The following PHF24 variants were observed in gnomAD, a reference collection of about 807,000 sequenced individuals.
The protein encoded by PHF24 is PHD finger protein 24.
Under a neutral mutation model 42.6 loss-of-function variants are expected in PHF24, and 25 were observed. That is an observed-to-expected ratio of 0.59 (90% CI 0.43 to 0.82). The LOEUF (loss-of-function observed/expected upper bound fraction) is 0.82. PHF24 is among the 40% of genes least tolerant of loss of function. The pLI is 0.00. For synonymous variants in PHF24, 185 were observed against 204.8 expected (o/e 0.90, Z 0.83); for missense variants, 470 against 538.1 (o/e 0.87, Z 1.25).
chr9:34,778,152 CT>C, the PHF24 span, among the ~76,000 whole-genome samples: 1 of 152,226 alleles, frequency 6.6e-6, no homozygotes, highest in South Asian at 2.1e-4. Flanking sequence ...TATTTTGGTT[CT>C]TCTTAGTGGA....
chr9:34,922,122 T>C, the PHF24 span: 1 of 1,366,022 alleles, frequency 7.3e-7, no homozygotes, highest in East Asian at 2.3e-5. Context: ...TGGGACAGCA[T>C]GGATGACAAA....
At chr9:34,682,164 T>A in the PHF24 span, among the ~76,000 whole-genome samples, 1 of 148,534 alleles carries the variant, frequency 6.7e-6, no homozygotes, top group Admixed American at 6.7e-5. Flanking sequence ...TTTTTTTTTT[T>A]TTTTTTTTTG....
the PHF24 span, chr9:34,835,839 C>T: frequency 1.6e-4 from 218 of 1,351,520 alleles, 1 homozygote; most frequent in Middle Eastern, 3.6e-4. Context: ...TGGAATGGAG[C>T]TCTATACTCT....
At chr9:34,961,520 C>T (rs1017797080) in intron 1 of PHF24, among the ~76,000 whole-genome samples, 3 of 152,168 alleles carry the variant, frequency 2.0e-5, no homozygotes, top group African/African-American at 7.2e-5. Flanking sequence ...AGTTTCTTGC[C>T]CTTGAGGAGT....
chr9:34,916,892 C>T, the PHF24 span, among the ~76,000 whole-genome samples: 2 of 152,188 alleles, frequency 1.3e-5, no homozygotes, highest in Non-Finnish European at 2.9e-5. Flanking sequence ...TTGCCATGTA[C>T]ACGGACAATA....
At chr9:34,716,953 T>C in the PHF24 span, among the ~76,000 whole-genome samples, 71 of 152,264 alleles carry the variant, frequency 4.7e-4, no homozygotes, top group Admixed American at 1.7e-3. Context: ...CTTACGCTTC[T>C]GCATAACGTG....
chr9:34,906,643 C>CAA, the PHF24 span, among the ~76,000 whole-genome samples: 117 of 66,010 alleles, frequency 1.8e-3, 2 homozygotes, highest in East Asian at 0.013. Context: ...GACTCCATCT[C>CAA]AAAAAAAAAA....
intron 1 of PHF24, among the ~76,000 whole-genome samples, chr9:34,963,242 A>G (rs1826654011): frequency 6.7e-6 from 1 of 148,492 alleles, no homozygotes. Flanking sequence ...GACCCGCACG[A>G]GAACTCTTTT....
At chr9:34,960,047 G>A (rs1316839281) in intron 1 of PHF24, among the ~76,000 whole-genome samples, 1 of 152,188 alleles carries the variant, frequency 6.6e-6, no homozygotes, top group Non-Finnish European at 1.5e-5. Flanking sequence ...TAGGGGGAGC[G>A]CAAAGGGTCT....
At chr9:34,918,936 G>A in the PHF24 span, among the ~76,000 whole-genome samples, 2 of 152,082 alleles carry the variant, frequency 1.3e-5, no homozygotes, top group Non-Finnish European at 2.9e-5. Flanking sequence ...TGATAAGACC[G>A]GTAGTTCTCA....
At chr9:34,892,577 T>C in the PHF24 span, 1 of 431,656 alleles carries the variant, frequency 2.3e-6, no homozygotes, top group Non-Finnish European at 4.1e-6. Flanking sequence ...GAAAGGAATG[T>C]AGGGTCATAG....
At chr9:34,754,202 A>G in the PHF24 span, among the ~76,000 whole-genome samples, 1 of 152,280 alleles carries the variant, frequency 6.6e-6, no homozygotes, top group South Asian at 2.1e-4. Flanking sequence ...GAAACAATCA[A>G]CAAAGTGAAG....
the PHF24 span, among the ~76,000 whole-genome samples, chr9:34,684,984 G>A: frequency 2.0e-5 from 3 of 152,142 alleles, no homozygotes; most frequent in Admixed American, 2.0e-4. Flanking sequence ...TAGAGGTTCT[G>A]TCCTTGCTGT....
the PHF24 span, among the ~76,000 whole-genome samples, chr9:34,921,286 A>T: frequency 6.6e-6 from 1 of 152,068 alleles, no homozygotes; most frequent in Admixed American, 6.5e-5. Flanking sequence ...GACATTAAAC[A>T]AAGGTAGCCA....
chr9:34,832,289 T>C, the PHF24 span: 8 of 576,912 alleles, frequency 1.4e-5, no homozygotes, highest in Non-Finnish European at 2.2e-5. Context: ...AACTGAGGGT[T>C]AGGAGCTAGG....
chr9:34,790,389 T>G, the PHF24 span, among the ~76,000 whole-genome samples: 1 of 152,258 alleles, frequency 6.6e-6, no homozygotes, highest in Admixed American at 6.5e-5. Context: ...CAAGAAAGCT[T>G]TCTCTTCATA....
At chr9:34,931,123 ATC>A in the PHF24 span, among the ~76,000 whole-genome samples, 1 of 152,086 alleles carries the variant, frequency 6.6e-6, no homozygotes, top group African/African-American at 2.4e-5. Flanking sequence ...CACGCCTGTA[ATC>A]TCAGCACTTT....
the PHF24 span, among the ~76,000 whole-genome samples, chr9:34,683,595 G>T: frequency 6.6e-6 from 1 of 152,190 alleles, no homozygotes; most frequent in African/African-American, 2.4e-5. Flanking sequence ...CCTGCAAATA[G>T]CTACTTCTTG....
At chr9:34,771,534 A>G in the PHF24 span, among the ~76,000 whole-genome samples, 1 of 152,236 alleles carries the variant, frequency 6.6e-6, no homozygotes, top group African/African-American at 2.4e-5. Flanking sequence ...GAGAGGACAT[A>G]TAAGCCTTTT....
Sources: allele counts gnomAD v4.1 joint callset (sites outside exome capture counted in the v4.1 genomes callset), GRCh38; gene constraint gnomAD v4.1.1; transcripts MANE v1.5; gene names NCBI Gene and HGNC (gene_info 2026-07-23, HGNC 2026-07-21).